Variants in KHDRBS2 observed in about 807,000 individuals in gnomAD.
KHDRBS2 encodes the protein KH domain-containing, RNA-binding, signal transduction-associated protein 2.
Under a neutral mutation model 44.3 loss-of-function variants are expected in KHDRBS2, and 26 were observed. That is an observed-to-expected ratio of 0.59 (90% CI 0.43 to 0.81). KHDRBS2 has a LOEUF of 0.81. Among genes scored for constraint, KHDRBS2 ranks in the 40% least tolerant of loss-of-function variants. The probability of loss-of-function intolerance (pLI) is 0.00; values close to 1 mark genes in which losing one functional copy is unlikely to be tolerated. For missense variants in KHDRBS2, 476 were observed against 433.1 expected (o/e 1.10, Z -0.88); for synonymous variants, 194 against 151.1 (o/e 1.28, Z -2.08).
chr6:61,983,708 G>C lies in KHDRBS2; in HGVS notation c.337-5496C>G, dbSNP rs147754990. 3.3e-3 allele frequency among the ~76,000 whole-genome samples: 500 copies of C among 152,248 alleles called. 7 individuals are homozygous for C. The highest frequency in any genetic ancestry group is 0.011 in the African/African-American group (464 of 41,550). On this transcript the variant is annotated intron_variant, in intron 3 of 8. Transcript: ENST00000281156. The stretch of plus-strand genomic sequence containing the variant: ...ATCCATGTGGTCAGTTATCATTATT[G>C]CTTCACTTAGGTTATAATCAAGCCA...
At chr6:61,562,762 T>G in the KHDRBS2 span, among the ~76,000 whole-genome samples, 2 of 151,966 alleles carry the variant, frequency 1.3e-5, no homozygotes, top group African/African-American at 2.4e-5. Flanking sequence ...AATGAAAGTA[T>G]GTGAAGTTTG....
intron 6 of KHDRBS2, among the ~76,000 whole-genome samples, chr6:61,733,408 T>A (rs929706168): frequency 4.6e-5 from 7 of 152,060 alleles, no homozygotes; most frequent in African/African-American, 1.7e-4. Flanking sequence ...CTGGCCAACA[T>A]GGTGAAACCC....
rs192761739 is a variant in KHDRBS2 at position 61,964,007 on chromosome 6, C to A, written c.483+14059G>T. Among the ~76,000 whole-genome samples, 184 of 152,078 alleles carry A rather than the reference C, an allele frequency of 1.2e-3. 1 individual carries two copies. The South Asian group carries it at 0.02, about 17-fold the overall frequency. Reference sequence around the variant, plus strand: ...CCCAAAGGAATGACCAGTTTTAATTCTGTTTTCCAGTTGACTTTATGAAGG... The same window carrying A: ...CCCAAAGGAATGACCAGTTTTAATTATGTTTTCCAGTTGACTTTATGAAGG... On this transcript the variant is annotated intron_variant, in intron 4 of 8. Coordinates refer to ENST00000281156, the MANE Select transcript of KHDRBS2 (RefSeq NM_152688.4).
chr6:62,090,147 CA>C (rs895342246), intron 2 of KHDRBS2, among the ~76,000 whole-genome samples: 1 of 151,916 alleles, frequency 6.6e-6, no homozygotes, highest in African/African-American at 2.4e-5. Flanking sequence ...ACAACAGAAA[CA>C]AAAAAATTAT....
chr6:62,081,051 C>A (rs1453164074), intron 2 of KHDRBS2, among the ~76,000 whole-genome samples: 1 of 152,084 alleles, frequency 6.6e-6, no homozygotes. Context: ...TTATAGATAT[C>A]CTCTTCATTA....
intron 6 of KHDRBS2, among the ~76,000 whole-genome samples, chr6:61,889,866 G>A (rs1363462739): frequency 9.2e-5 from 14 of 152,058 alleles, no homozygotes; most frequent in Admixed American, 8.5e-4. Flanking sequence ...TTTCAAACAG[G>A]TTCCACTTCA....
intron 6 of KHDRBS2, among the ~76,000 whole-genome samples, chr6:61,893,024 A>G (rs948757966): frequency 4.6e-5 from 7 of 152,238 alleles, no homozygotes; most frequent in Non-Finnish European, 8.8e-5. Context: ...GCTAATATCC[A>G]GAATCTACAA....
At chr6:61,961,056 G>A (rs1340551045) in intron 4 of KHDRBS2, among the ~76,000 whole-genome samples, 1 of 152,088 alleles carries the variant, frequency 6.6e-6, no homozygotes, top group Non-Finnish European at 1.5e-5. Context: ...CCACAGCTTA[G>A]AAGTGAGACT....
chr6:61,947,113 T>C (rs1371579475), intron 4 of KHDRBS2, among the ~76,000 whole-genome samples: 1 of 152,200 alleles, frequency 6.6e-6, no homozygotes, highest in Non-Finnish European at 1.5e-5. Context: ...TAAAACTATA[T>C]GTCAATTTTG....
intron 6 of KHDRBS2, among the ~76,000 whole-genome samples, chr6:61,774,855 C>A (rs1394343295): frequency 6.6e-6 from 1 of 152,092 alleles, no homozygotes; most frequent in African/African-American, 2.4e-5. Context: ...GAATTTTAGA[C>A]CAATATCCCT....
intron 1 of KHDRBS2, among the ~76,000 whole-genome samples, chr6:62,232,270 T>C (rs1833011004): frequency 6.6e-6 from 1 of 152,196 alleles, no homozygotes; most frequent in Admixed American, 6.5e-5. Context: ...CTGAGATCTG[T>C]ATTCTCATTG....
chr6:62,204,098 C>CTGG (rs1217220267), intron 1 of KHDRBS2, among the ~76,000 whole-genome samples: 1 of 152,196 alleles, frequency 6.6e-6, no homozygotes, highest in Non-Finnish European at 1.5e-5. Context: ...GAAGCAGATG[C>CTGG]TGGTGTCATC....
At chr6:61,974,495 A>C (rs75459719) in intron 4 of KHDRBS2, among the ~76,000 whole-genome samples, 6,434 of 152,284 alleles carry the variant, frequency 0.042, 182 homozygotes, top group Middle Eastern at 0.095. Context: ...TTATTTTACA[A>C]TTCTAACCTG....
At chr6:62,135,512 C>T (rs1200728736) in intron 2 of KHDRBS2, among the ~76,000 whole-genome samples, 7 of 152,158 alleles carry the variant, frequency 4.6e-5, no homozygotes, top group Non-Finnish European at 8.8e-5. Context: ...GTATGACCCA[C>T]GTATACCTCT....
intron 6 of KHDRBS2, among the ~76,000 whole-genome samples, chr6:61,859,571 T>A (rs1796626135): frequency 6.6e-6 from 1 of 151,918 alleles, no homozygotes; most frequent in South Asian, 2.1e-4. Context: ...ACAGCCTCTT[T>A]GGCAATGCTC....
At chr6:61,859,192 G>A (rs1360794218) in intron 6 of KHDRBS2, among the ~76,000 whole-genome samples, 2 of 151,802 alleles carry the variant, frequency 1.3e-5, no homozygotes, top group African/African-American at 2.4e-5. Context: ...ATGATTACAA[G>A]GTGTGATTCT....
At chr6:62,151,350 C>T (rs1815145934) in intron 2 of KHDRBS2, among the ~76,000 whole-genome samples, 1 of 152,182 alleles carries the variant, frequency 6.6e-6, no homozygotes, top group Admixed American at 6.5e-5. Context: ...TCTGTTTCTA[C>T]ACTTCACAAT....
At chr6:62,018,338 TGTC>T (rs1781621645) in intron 3 of KHDRBS2, among the ~76,000 whole-genome samples, 1 of 144,716 alleles carries the variant, frequency 6.9e-6, no homozygotes, top group African/African-American at 2.6e-5. Flanking sequence ...TGTGTGTGTG[TGTC>T]CTTATTTCCT....
chr6:61,797,301 G>A lies in KHDRBS2; in HGVS notation c.811-64537C>T, dbSNP rs112949896. On this transcript the variant is annotated intron_variant, in intron 6 of 8. Coordinates refer to ENST00000281156, the MANE Select transcript of KHDRBS2 (RefSeq NM_152688.4). ...ACCTTTGCATAATGGCATTCTAATG[G>A]CATATTTGAGATGTATCTTATTTCA... 1.8e-3 allele frequency among the ~76,000 whole-genome samples: 278 copies of A among 152,122 alleles called. 1 individual carries two copies. The highest frequency in any genetic ancestry group is 5.7e-3 in the African/African-American group (238 of 41,508).
Sources: allele counts gnomAD v4.1 joint callset (sites outside exome capture counted in the v4.1 genomes callset), GRCh38; gene constraint gnomAD v4.1.1; transcripts MANE v1.5; gene names NCBI Gene and HGNC (gene_info 2026-07-23, HGNC 2026-07-21).